The following THSD7B variants were observed in gnomAD, a reference collection of about 807,000 sequenced individuals.
THSD7B encodes the protein thrombospondin type-1 domain-containing protein 7B.
A neutral mutation model predicts 213.6 loss-of-function variants in THSD7B; 138 were observed. That is an observed-to-expected ratio of 0.65 (90% confidence interval 0.56 to 0.74). The LOEUF (loss-of-function observed/expected upper bound fraction) is 0.74, where lower values mean the gene tolerates loss of function less well. Among genes scored for constraint, THSD7B ranks in the 30% least tolerant of loss-of-function variants. The pLI, the probability that THSD7B is intolerant of heterozygous loss-of-function variation, is 0.00. For missense variants in THSD7B, 1,931 were observed against 1,991.5 expected, an observed-to-expected ratio of 0.97 and a Z score of 0.58; for synonymous variants, 742 against 687.0, an observed-to-expected ratio of 1.08 and a Z score of -1.25.
intron 2 of THSD7B, among the ~76,000 whole-genome samples, chr2:136,967,893 T>C (rs1685346229): frequency 6.6e-6 from 1 of 152,230 alleles, no homozygotes; most frequent in Admixed American, 6.5e-5. Context: ...CTTCCGTGAT[T>C]TGCTTCTTTC....
At chr2:137,464,245 A>C (rs566079409) in intron 15 of THSD7B, among the ~76,000 whole-genome samples, 71 of 152,174 alleles carry the variant, frequency 4.7e-4, no homozygotes, top group African/African-American at 1.7e-3. Flanking sequence ...CCCTCAAAAC[A>C]TATACTACTC....
At chr2:137,489,116 T>C (rs1218007367) in intron 15 of THSD7B, among the ~76,000 whole-genome samples, 2 of 152,192 alleles carry the variant, frequency 1.3e-5, no homozygotes, top group African/African-American at 4.8e-5. Flanking sequence ...TAATTTGGTC[T>C]ATTGTCTCCC....
At chr2:137,567,570 A>G (rs115145862) in intron 16 of THSD7B, among the ~76,000 whole-genome samples, 5,348 of 152,220 alleles carry the variant, frequency 0.035, 127 homozygotes, top group South Asian at 0.071. Context: ...TCGATTTAGT[A>G]AAAGTGAAGG....
chr2:136,890,517 T>TTTCTTC (rs1173405632), intron 2 of THSD7B, among the ~76,000 whole-genome samples: 2 of 59,030 alleles, frequency 3.4e-5, no homozygotes, highest in African/African-American at 1.5e-4. Flanking sequence ...CTTCTTCTTC[T>TTTCTTC]TTCTTCTTCT....
At chr2:136,979,052 C>T (rs1367274072) in intron 2 of THSD7B, among the ~76,000 whole-genome samples, 3 of 151,994 alleles carry the variant, frequency 2.0e-5, no homozygotes, top group African/African-American at 7.2e-5. Flanking sequence ...ACTTATGAAG[C>T]TTAGTTTGGC....
chr2:136,974,834 T>A (rs1477298560), intron 2 of THSD7B, among the ~76,000 whole-genome samples: 2 of 152,200 alleles, frequency 1.3e-5, no homozygotes, highest in Non-Finnish European at 2.9e-5. Flanking sequence ...AAAGCGTTCC[T>A]GTCTCTCTTC....
intron 10 of THSD7B, among the ~76,000 whole-genome samples, chr2:137,252,572 C>T (rs797004227): frequency 5.3e-5 from 8 of 152,278 alleles, no homozygotes; most frequent in African/African-American, 1.9e-4. Flanking sequence ...GCTGGGATTA[C>T]AGGTGTGAGC....
chr2:137,226,464 T>TA (rs776509141), intron 7 of THSD7B, among the ~76,000 whole-genome samples: 6 of 151,850 alleles, frequency 4.0e-5, no homozygotes, highest in Non-Finnish European at 8.8e-5. Flanking sequence ...TTTATTTTTA[T>TA]AAAATATAAC....
intron 15 of THSD7B, among the ~76,000 whole-genome samples, chr2:137,507,214 A>C (rs1414490905): frequency 6.6e-6 from 1 of 152,220 alleles, no homozygotes; most frequent in Non-Finnish European, 1.5e-5. Flanking sequence ...CCAGTGCCAG[A>C]AAGTAACCTT....
At chr2:137,412,598 A>AAG (rs1686685672) in intron 14 of THSD7B, among the ~76,000 whole-genome samples, 1 of 118,884 alleles carries the variant, frequency 8.4e-6, no homozygotes, top group Non-Finnish European at 1.8e-5. Context: ...ACTCTGTCTC[A>AAG]AAAAAAAAAA....
intron 10 of THSD7B, among the ~76,000 whole-genome samples, chr2:137,265,132 C>T (rs1211876385): frequency 2.0e-5 from 3 of 152,130 alleles, no homozygotes; most frequent in African/African-American, 7.2e-5. Context: ...CCAATTTCAT[C>T]CATGTCCCTA....
chr2:137,602,753 T>A (rs1404972892), intron 17 of THSD7B, among the ~76,000 whole-genome samples: 4 of 152,098 alleles, frequency 2.6e-5, no homozygotes, highest in Non-Finnish European at 5.9e-5. Context: ...CTCATGAGAG[T>A]GGAGTCCCCA....
rs1378112582 is a variant in THSD7B, at chr2:137,042,323, G to A, written c.140-14097G>A. Among the ~76,000 whole-genome samples the A allele has an allele frequency of 2.0e-5, 3 of 152,154 alleles. No homozygotes were observed. The East Asian group carries it at 5.8e-4, about 29-fold the overall frequency. On this transcript the variant is annotated intron_variant, in intron 2 of 27. Transcript: ENST00000409968. ...TTTCCATGTTATCTGTAATCATTGA[G>A]GTTAAGAAAAAAGATCATTTACCTC...
At chr2:137,315,028 G>A (rs1195045318) in intron 12 of THSD7B, among the ~76,000 whole-genome samples, 1 of 152,230 alleles carries the variant, frequency 6.6e-6, no homozygotes, top group Non-Finnish European at 1.5e-5. Context: ...GCTGTGTTGG[G>A]CTCCACCCAG....
intron 1 of THSD7B, among the ~76,000 whole-genome samples, chr2:136,810,545 A>G (rs1015802234): frequency 6.6e-6 from 1 of 152,106 alleles, no homozygotes; most frequent in East Asian, 1.9e-4. Flanking sequence ...GCAGTGCTGA[A>G]ATGGTGTGCT....
intron 15 of THSD7B, among the ~76,000 whole-genome samples, chr2:137,515,709 G>C (rs1680054925): frequency 6.6e-6 from 1 of 151,712 alleles, no homozygotes. Flanking sequence ...AGTTAAAAAA[G>C]TTTCTAATAA....
chr2:136,987,482 A>G (rs1197900227), intron 2 of THSD7B, among the ~76,000 whole-genome samples: 2 of 152,228 alleles, frequency 1.3e-5, no homozygotes, highest in African/African-American at 2.4e-5. Context: ...GTTAAAGGTG[A>G]GAAATAATGG....
intron 2 of THSD7B, among the ~76,000 whole-genome samples, chr2:137,011,537 TC>T (rs1686230858): frequency 6.6e-6 from 1 of 152,058 alleles, no homozygotes. Context: ...AGAAAAAATG[TC>T]CCCCGACATT....
intron 4 of THSD7B, among the ~76,000 whole-genome samples, chr2:137,110,555 GT>G (rs1688330121): frequency 6.6e-6 from 1 of 152,176 alleles, no homozygotes; most frequent in African/African-American, 2.4e-5. Context: ...CATCAGAGCT[GT>G]TTTTACATAA....
Sources: gnomAD v4.1 joint callset for allele counts (sites outside exome capture counted in the v4.1 genomes callset) on GRCh38, gnomAD v4.1.1 for gene constraint, MANE v1.5 for transcripts, NCBI Gene and HGNC (gene_info 2026-07-23, HGNC 2026-07-21) for gene names.